Variants in DOP1A observed in about 807,000 individuals in gnomAD.
The protein encoded by DOP1A is DOP1 leucine zipper like protein A.
DOP1A carries 90 observed loss-of-function variants against 267.6 expected under a neutral mutation model. That is an observed-to-expected ratio of 0.34 (90% CI 0.28 to 0.40). DOP1A has a LOEUF of 0.40. DOP1A is among the 10% of genes least tolerant of loss of function. The pLI, the probability that DOP1A is intolerant of heterozygous loss-of-function variation, is 1.00. For synonymous variants in DOP1A, 932 were observed against 999.1 expected (o/e 0.93, Z 1.27); for missense variants, 2,437 against 2,900.4 (o/e 0.84, Z 3.67).
intron 6 of DOP1A, among the ~76,000 whole-genome samples, chr6:83,111,463 T>A (rs775624702): frequency 6.6e-6 from 1 of 151,906 alleles, no homozygotes; most frequent in Non-Finnish European, 1.5e-5. Context: ...TTTTCCAAAG[T>A]GACTGCACCA....
intron 38 of DOP1A, chr6:83,167,312 C>T: frequency 1.0e-6 from 1 of 985,568 alleles, no homozygotes; most frequent in Non-Finnish European, 1.2e-6. Flanking sequence ...ACAGCAGTGT[C>T]TCCTGAGGGA....
chr6:83,133,379 T>C (rs1406317037), intron 18 of DOP1A, among the ~76,000 whole-genome samples: 1 of 152,110 alleles, frequency 6.6e-6, no homozygotes, highest in Non-Finnish European at 1.5e-5. Context: ...TTCTGGTGGT[T>C]GATACAAATG....
chr6:83,128,912 C>G lies in DOP1A; in HGVS notation c.1745C>G (p.Pro582Arg). 2 of 1,537,054 alleles carry G rather than the reference C, an allele frequency of 1.3e-6. No homozygotes were observed. Among genetic ancestry groups the G allele is most frequent in the Non-Finnish European group, 8.7e-7 (1 of 1,143,162 alleles). Reference protein sequence around the residue: ...KKVSSVSHENPTEVFEDGENP... With the variant: ...KKVSSVSHENRTEVFEDGENP... ...GTATCATCAGTTTCTCATGAAAATC[C>G]TACTGAAGTGTTTGAAGATGGAGAA... Residue 582 changes from proline to arginine, a missense_variant, in exon 16 of 39, where the codon CCT (proline) becomes CGT (arginine). By Grantham distance (103) the Pro-to-Arg change is moderately radical. Around this residue, in one of 9 missense-constraint regions of DOP1A, gnomAD observed 498 missense variants for 513.5 expected, o/e 0.97. Coordinates refer to ENST00000349129, the MANE Select transcript of DOP1A (RefSeq NM_015018.4).
chr6:83,158,760 A>G (rs1444750029), intron 36 of DOP1A, 138 bp downstream of exon 36: 2 of 681,928 alleles, frequency 2.9e-6, no homozygotes, highest in Admixed American at 3.3e-5. Context: ...GTTTGGATAT[A>G]ATGTAGTTTT....
At chr6:83,086,313 A>C (rs1769224954) in intron 1 of DOP1A, among the ~76,000 whole-genome samples, 1 of 152,158 alleles carries the variant, frequency 6.6e-6, no homozygotes. Context: ...TAGTAAGAAA[A>C]CCATAAGAGA....
rs1376826610 is a variant in DOP1A at position 83,101,199 on chromosome 6, G to A, written c.320+313G>A. Among the ~76,000 whole-genome samples, 3 of 152,082 alleles carry A rather than the reference G, an allele frequency of 2.0e-5. No homozygotes were observed. In the East Asian group the frequency reaches 5.8e-4, roughly 29 times the overall value. On this transcript the variant is annotated intron_variant, in intron 4 of 38. Transcript: ENST00000349129. ...CCCGACTAATTTTTTTGTATTTTTA[G>A]TAGAGACGGGGTTTCACCGTGTTAG...
At chr6:83,132,832 T>C (rs1326359263) in intron 18 of DOP1A, among the ~76,000 whole-genome samples, 1 of 152,186 alleles carries the variant, frequency 6.6e-6, no homozygotes, top group African/African-American at 2.4e-5. Flanking sequence ...TGATATATAA[T>C]TCAGTTAAAG....
At chr6:83,116,083 A>G (rs1361325400) in intron 7 of DOP1A, among the ~76,000 whole-genome samples, 1 of 152,230 alleles carries the variant, frequency 6.6e-6, no homozygotes, top group African/African-American at 2.4e-5. Context: ...AAGTATATGA[A>G]GAAAATCTGA....
chr6:83,127,124 G>C (rs1583030205), intron 15 of DOP1A, among the ~76,000 whole-genome samples: 1 of 152,164 alleles, frequency 6.6e-6, no homozygotes, highest in Admixed American at 6.5e-5. Context: ...GGTTCACATA[G>C]TGATGTTACC....
intron 4 of DOP1A, among the ~76,000 whole-genome samples, chr6:83,102,727 T>C (rs990679120): frequency 3.3e-5 from 5 of 152,212 alleles, no homozygotes; most frequent in African/African-American, 1.2e-4. Context: ...ACCGTCTTGC[T>C]AAAAAGTCTA....
At chr6:83,106,175 A>T (rs143146956) in intron 4 of DOP1A, among the ~76,000 whole-genome samples, 29 of 152,372 alleles carry the variant, frequency 1.9e-4, no homozygotes, top group Non-Finnish European at 1.3e-4. Flanking sequence ...ACATGATAGA[A>T]TACCATATTG....
At chr6:83,092,556 T>TCCCCCCCCCCCCC (rs66482434) in intron 1 of DOP1A, among the ~76,000 whole-genome samples, 6 of 67,852 alleles carry the variant, frequency 8.8e-5, no homozygotes, top group Non-Finnish European at 1.7e-4. Flanking sequence ...GTAGTGTCCC[T>TCCCCCCCCCCCCC]CCCCCCCCCC....
intron 7 of DOP1A, among the ~76,000 whole-genome samples, chr6:83,115,680 G>C (rs985092626): frequency 6.6e-6 from 1 of 152,122 alleles, no homozygotes; most frequent in African/African-American, 2.4e-5. Context: ...GCAAGTGATC[G>C]TGCCACTGCA....
intron 1 of DOP1A, among the ~76,000 whole-genome samples, chr6:83,092,552 T>TCC (rs1407940007): frequency 4.6e-4 from 19 of 41,136 alleles, no homozygotes; most frequent in African/African-American, 1.4e-3. Flanking sequence ...GACAGTAGTG[T>TCC]CCCTCCCCCC....
rs748219769 is a variant in DOP1A, at chr6:83,137,399, G to A, written c.3357G>A (p.Gly1119=). Residue 1119 remains glycine (G), a synonymous_variant, in exon 21 of 39, where the codon GGG becomes GGA. Coordinates refer to ENST00000349129, the MANE Select transcript of DOP1A (RefSeq NM_015018.4). ...CGGGATGTTCACAGTCCTCTGCTGG[G>A]GACAACTTGAGTTACGAAGTTGATC... ...SDSGCSQSSA[G]DNLSYEVDPE... 1 of 1,613,750 alleles carries A rather than the reference G, an allele frequency of 6.2e-7. No individual in the cohort carries two copies. Among genetic ancestry groups the A allele is most frequent in the Non-Finnish European group, 8.5e-7 (1 of 1,179,848 alleles).
At chr6:83,131,400 T>C (rs887784441) in intron 17 of DOP1A, among the ~76,000 whole-genome samples, 2 of 152,204 alleles carry the variant, frequency 1.3e-5, no homozygotes, top group African/African-American at 4.8e-5. Context: ...TTATTATTAA[T>C]GCTGTTACAG....
chr6:83,169,141 T>A, downstream of DOP1A: 2 of 1,551,666 alleles, frequency 1.3e-6, no homozygotes, highest in Non-Finnish European at 1.7e-6. Flanking sequence ...TTGTAAACAT[T>A]ATGATTATAA....
Position 83,138,485 on chromosome 6 carries a change from CA to C in DOP1A, c.4445del (p.Asn1482IlefsTer6), listed in dbSNP as rs769972598. ...VKVTAQDLIG[N>X]RNMQMMSIEI... The stretch of plus-strand genomic sequence containing the variant: ...AGGTTACTGCACAAGATTTAATAGG[CA>C]ATCGAAACATGCAAATGATGAGCAT... On this transcript the variant is annotated frameshift_variant, in exon 21 of 39. Transcript: ENST00000349129. LOFTEE classifies it high-confidence loss of function. 6.2e-7 allele frequency: 1 copy of C among 1,613,286 alleles called. No homozygotes were observed. Among genetic ancestry groups the C allele is most frequent in the Non-Finnish European group, 8.5e-7 (1 of 1,179,924 alleles).
chr6:83,157,115 G>T, intron 34 of DOP1A, 67 bp from the exon 35 acceptor site: 1 of 1,519,336 alleles, frequency 6.6e-7, no homozygotes, highest in South Asian at 1.2e-5. Flanking sequence ...GTACTGGACC[G>T]ACAATATAGA....
Sources: gnomAD v4.1 joint callset for allele counts (sites outside exome capture counted in the v4.1 genomes callset) on GRCh38, gnomAD v4.1.1 for gene constraint, gnomAD v4.1.1 regional missense constraint, MANE v1.5 for transcripts, NCBI Gene and HGNC (gene_info 2026-07-23, HGNC 2026-07-21) for gene names.